The following CREB3L2 variants were observed in gnomAD, a reference collection of about 807,000 sequenced individuals.
CREB3L2 encodes the protein cyclic AMP-responsive element-binding protein 3-like protein 2.
Under a neutral mutation model 57.2 loss-of-function variants are expected in CREB3L2, and 23 were observed. That is an observed-to-expected ratio of 0.40 (90% CI 0.29 to 0.57). The LOEUF (loss-of-function observed/expected upper bound fraction) is 0.57, where lower values mean the gene tolerates loss of function less well. Among genes scored for constraint, CREB3L2 ranks in the 20% least tolerant of loss-of-function variants. The pLI, the probability that CREB3L2 is intolerant of heterozygous loss-of-function variation, is 0.42. For synonymous variants in CREB3L2, 268 were observed against 265.1 expected (o/e 1.01, Z -0.11); for missense variants, 628 against 634.7 (o/e 0.99, Z 0.11).
At chr7:137,967,042 T>G (rs2117293977) in intron 1 of CREB3L2, among the ~76,000 whole-genome samples, 1 of 152,272 alleles carries the variant, frequency 6.6e-6, no homozygotes, top group African/African-American at 2.4e-5. Context: ...CCAGAAAGCT[T>G]GCTCTCTCTC....
rs1191832978 is a variant in CREB3L2 at position 137,880,256 on chromosome 7, G to A, written c.*220C>T. 1 of 565,624 alleles carries A rather than the reference G, an allele frequency of 1.8e-6. No homozygotes were observed. Among genetic ancestry groups the A allele is most frequent in the South Asian group, 2.2e-5 (1 of 46,422 alleles). 35.0% of individuals were successfully genotyped at this position (565,624 alleles called of 1,614,324 possible). Reference sequence around the variant, plus strand: ...TTCCTATGGCAGTAAGAGAAAGGAAGGGAGGGATGCAGGCTCCCTTCTGCA... The same window carrying A: ...TTCCTATGGCAGTAAGAGAAAGGAAAGGAGGGATGCAGGCTCCCTTCTGCA... On this transcript the variant is annotated 3_prime_UTR_variant, in exon 12 of 12. Transcript: ENST00000330387. This position sits in a 1 kb window ranked among gnomAD's most constrained non-coding sequence, Gnocchi z 4.0.
chr7:137,899,383 T>A (rs1177553468), intron 8 of CREB3L2, among the ~76,000 whole-genome samples: 1 of 152,074 alleles, frequency 6.6e-6, no homozygotes, highest in South Asian at 2.1e-4. Flanking sequence ...CTTCCCCTTT[T>A]CGCCAATTCT....
chr7:137,877,513 A>T lies in CREB3L2; in HGVS notation c.*2963T>A, dbSNP rs770755980. 46 of 226,464 alleles carry T rather than the reference A, an allele frequency of 2.0e-4. No homozygotes were observed. Among genetic ancestry groups the T allele is most frequent in the Non-Finnish European group, 3.2e-4 (36 of 113,922 alleles). 14.0% of individuals were successfully genotyped at this position (226,464 alleles called of 1,614,324 possible). On this transcript the variant is annotated 3_prime_UTR_variant, in exon 12 of 12. Transcript: ENST00000330387. The stretch of plus-strand genomic sequence containing the variant: ...TGCAAAGTCGAGGGCTGTGAAAAGA[A>T]CCACGGTGGGGGGTCTGGGTTACTC...
At position 138,001,611 on chromosome 7, in the gene CREB3L2, T is replaced by G; in HGVS notation, c.95A>C (p.Tyr32Ser). 6.2e-7 allele frequency: 1 copy of G among 1,612,388 alleles called. No individual in the cohort carries two copies. Among genetic ancestry groups the G allele is most frequent in the Non-Finnish European group, 8.5e-7 (1 of 1,179,112 alleles). ...CGCCCGCCGGGTCCTCACCGTGTGGTACATGAGGGCCTCGCCGTCCCCGGG... is the reference window on the plus strand; with the variant it reads ...CGCCCGCCGGGTCCTCACCGTGTGGGACATGAGGGCCTCGCCGTCCCCGGG... ...SEPGDGEALM[Y>S]HTHFSELLDE... The change falls in exon 1 of 12, where the codon TAC (tyrosine) becomes TCC (serine). Residue 32 changes from tyrosine (Y) to serine (S), a missense_variant. Tyr to Ser is a moderately radical substitution (Grantham distance 144, BLOSUM62 -2). Coordinates refer to ENST00000330387, the MANE Select transcript of CREB3L2 (RefSeq NM_194071.4). The surrounding 1 kb of genome is among the most constrained non-coding windows in gnomAD (Gnocchi z 4.2).
At chr7:137,898,114 TG>T (rs1799665184) in intron 8 of CREB3L2, among the ~76,000 whole-genome samples, 1 of 152,218 alleles carries the variant, frequency 6.6e-6, no homozygotes, top group Admixed American at 6.5e-5. Flanking sequence ...TGAATAGACA[TG>T]TCTCTAAAGA....
intron 6 of CREB3L2, among the ~76,000 whole-genome samples, chr7:137,904,849 AAAAG>A (rs1554495638): frequency 1.4e-5 from 2 of 147,624 alleles, no homozygotes; most frequent in East Asian, 1.9e-4. Flanking sequence ...AAAAAAAAAA[AAAAG>A]AAAGAAAGAA....
At chr7:137,922,489 C>CATATATATAT (rs1800351886) in intron 2 of CREB3L2, 1 of 154,534 alleles carries the variant, frequency 6.5e-6, no homozygotes, top group African/African-American at 5.6e-5. Flanking sequence ...TATATATACA[C>CATATATATAT]ACACACACAC....
In CREB3L2 at chr7:137,888,528, G is replaced by A. The variant is rs1166644698; in HGVS notation, c.1044-3026C>T. 5.3e-5 allele frequency among the ~76,000 whole-genome samples: 8 copies of A among 151,998 alleles called. No individual in the cohort carries two copies. The East Asian group carries it at 7.7e-4, about 15-fold the overall frequency. On this transcript the variant is annotated intron_variant, in intron 8 of 11. Coordinates refer to ENST00000330387, the MANE Select transcript of CREB3L2 (RefSeq NM_194071.4). ...TTCTCACAGCGAGATTTCACTGGCC[G>A]AAGCATATATTTGACTCTCTATCAC...
intron 1 of CREB3L2, among the ~76,000 whole-genome samples, chr7:137,929,291 A>G (rs778116343): frequency 7.9e-5 from 12 of 152,100 alleles, no homozygotes; most frequent in Non-Finnish European, 1.8e-4. Flanking sequence ...TGATAGGTCT[A>G]TATTCATGGT....
chr7:137,999,844 A>G (rs1802047377), intron 1 of CREB3L2: 1 of 152,260 alleles, frequency 6.6e-6, no homozygotes, highest in Admixed American at 6.5e-5. Context: ...TTTTTTAAAA[A>G]TAGAAATAAA....
At chr7:138,000,740 T>C (rs1802060163) in intron 1 of CREB3L2, among the ~76,000 whole-genome samples, 1 of 151,580 alleles carries the variant, frequency 6.6e-6, no homozygotes, top group Admixed American at 6.6e-5. Flanking sequence ...AACAAAGAGA[T>C]CTTGCATAAA....
chr7:137,988,909 C>T (rs376690305), intron 1 of CREB3L2, among the ~76,000 whole-genome samples: 1 of 113,358 alleles, frequency 8.8e-6, no homozygotes, highest in African/African-American at 3.4e-5. Flanking sequence ...GCCTGGGCAA[C>T]ATAGCAAGAA....
At position 137,961,965 on chromosome 7, in the gene CREB3L2, C is replaced by T. The variant is rs274007; in HGVS notation, c.103-33599G>A. Among the ~76,000 whole-genome samples, 823 of 151,944 alleles carry T rather than the reference C, an allele frequency of 5.4e-3. 14 individuals are homozygous for T. The highest frequency in any genetic ancestry group is 6.1e-3 in the Non-Finnish European group (415 of 67,916). On this transcript the variant is annotated intron_variant, in intron 1 of 11. Coordinates refer to ENST00000330387, the MANE Select transcript of CREB3L2 (RefSeq NM_194071.4). ...AGTTCTTCTAGGAACTCACACTGCT[C>T]CCCTGTGTCTCCATGAACCCAGCCT... is the stretch of plus-strand genomic sequence containing the variant.
At chr7:137,897,182 T>C (rs1201019299) in intron 8 of CREB3L2, among the ~76,000 whole-genome samples, 2 of 152,240 alleles carry the variant, frequency 1.3e-5, no homozygotes, top group Non-Finnish European at 2.9e-5. Context: ...AATATATGCA[T>C]ACATCAAATC....
Position 137,913,030 on chromosome 7 carries a change from G to A in CREB3L2, c.544C>T (p.His182Tyr), listed in dbSNP as rs746319028. 6 of 1,613,932 alleles carry A rather than the reference G, an allele frequency of 3.7e-6. No individual in the cohort carries two copies. Among genetic ancestry groups the A allele is most frequent in the South Asian group, 1.1e-5 (1 of 91,074 alleles). Residue 182 changes from histidine (H) to tyrosine (Y), a missense_variant, in exon 4 of 12, where the codon CAT becomes TAT. Around this residue, in one of 3 missense-constraint regions of CREB3L2, gnomAD observed 339 missense variants for 355.4 expected, o/e 0.95. Coordinates refer to ENST00000330387, the MANE Select transcript of CREB3L2 (RefSeq NM_194071.4). ...AAGTTTAGAAACTGATCCACTTCAT[G>A]AGGCTCCAGCTTAATTTTAGGAATA... ...TIIPKIKLEPHEVDQFLNFSP... is the reference protein window; with the variant it reads ...TIIPKIKLEPYEVDQFLNFSP...
intron 1 of CREB3L2, among the ~76,000 whole-genome samples, chr7:137,949,732 A>G (rs1801062449): frequency 6.6e-6 from 1 of 152,262 alleles, no homozygotes; most frequent in Non-Finnish European, 1.5e-5. Flanking sequence ...TTCTCACACC[A>G]GGGAAAAATA....
intron 1 of CREB3L2, among the ~76,000 whole-genome samples, chr7:137,958,477 C>T (rs1295470885): frequency 6.6e-6 from 1 of 151,708 alleles, no homozygotes; most frequent in Non-Finnish European, 1.5e-5. Flanking sequence ...CCAGACTGGG[C>T]AACATAGTGG....
intron 1 of CREB3L2, among the ~76,000 whole-genome samples, chr7:137,972,706 A>ACAACAAC (rs1554503518): frequency 3.9e-5 from 2 of 51,828 alleles, no homozygotes; most frequent in African/African-American, 2.2e-4. Context: ...AAAAAAAAAA[A>ACAACAAC]AAAAAAATAT....
At chr7:137,895,963 C>T (rs1715250976) in intron 8 of CREB3L2, among the ~76,000 whole-genome samples, 2 of 152,200 alleles carry the variant, frequency 1.3e-5, no homozygotes, top group South Asian at 2.1e-4. Flanking sequence ...AACAGGAACA[C>T]ACACACAGGT....
Sources: allele counts gnomAD v4.1 joint callset (sites outside exome capture counted in the v4.1 genomes callset), GRCh38; gene constraint gnomAD v4.1.1; regional missense constraint gnomAD v4.1.1; non-coding constraint Gnocchi (gnomAD v3.1); transcripts MANE v1.5; gene names NCBI Gene and HGNC (gene_info 2026-07-23, HGNC 2026-07-21).